Variants in ABCA4 observed in about 807,000 individuals in gnomAD.
The protein encoded by ABCA4 is retinal-specific phospholipid-transporting ATPase ABCA4.
In ABCA4, 196 loss-of-function variants were observed where a neutral mutation model predicts 263.7. The ratio of observed to expected loss-of-function variants is 0.74; its 90% CI spans 0.66 to 0.84. The LOEUF (loss-of-function observed/expected upper bound fraction) is 0.84. Among genes scored for constraint, ABCA4 ranks in the 40% least tolerant of loss-of-function variants. ABCA4 has a pLI of 0.00. For missense variants in ABCA4, 2,792 were observed against 2,855.1 expected (o/e 0.98, Z 0.50); for synonymous variants, 1,133 against 1,094.2 (o/e 1.04, Z -0.70).
chr1:94,000,856 G>T lies in ABCA4; in HGVS notation c.6459C>A (p.Thr2153=), dbSNP rs1372951577. Residue 2153 remains threonine, a synonymous_variant, in exon 47 of 50, where the codon ACC becomes ACA. Transcript: ENST00000370225. ...CTTACTTGGACTTGAGATGCTGAAT[G>T]GTGCCCATACATCGAAAGGCGCCCT... ...MVKGAFRCMG[T]IQHLKSKFGD... 1 of 1,614,192 alleles carries T rather than the reference G, an allele frequency of 6.2e-7. No individual in the cohort carries two copies.
chr1:94,088,726 G>A (rs1661898222), intron 6 of ABCA4, among the ~76,000 whole-genome samples: 1 of 152,116 alleles, frequency 6.6e-6, no homozygotes, highest in Admixed American at 6.5e-5. Flanking sequence ...GGTAACCAAG[G>A]GACATCTGAA....
intron 1 of ABCA4, among the ~76,000 whole-genome samples, chr1:94,114,399 C>T (rs1389521254): frequency 6.6e-6 from 1 of 152,102 alleles, no homozygotes; most frequent in Non-Finnish European, 1.5e-5. Flanking sequence ...AGATGTTTTA[C>T]TCAAAATATA....
At chr1:94,027,367 G>A (rs1463007230) in intron 30 of ABCA4, among the ~76,000 whole-genome samples, 3 of 152,176 alleles carry the variant, frequency 2.0e-5, no homozygotes, top group Non-Finnish European at 4.4e-5. Context: ...CCTCGCCCTG[G>A]CCAAGAGCTC....
chr1:94,019,811 AAGG>A (rs1291284362), intron 35 of ABCA4, 52 bp from the exon 36 acceptor site: 41 of 1,567,918 alleles, frequency 2.6e-5, no homozygotes, highest in Non-Finnish European at 3.5e-5. Flanking sequence ...GGAAGAGCAG[AAGG>A]AGGAGAAGAT....
At chr1:94,107,386 C>T (rs1192220659) in intron 4 of ABCA4, among the ~76,000 whole-genome samples, 1 of 152,214 alleles carries the variant, frequency 6.6e-6, no homozygotes, top group Non-Finnish European at 1.5e-5. Flanking sequence ...CTCACGACCA[C>T]TCTTTTCCTC....
chr1:94,100,497 A>G (rs1662256915), intron 5 of ABCA4, among the ~76,000 whole-genome samples: 1 of 152,200 alleles, frequency 6.6e-6, no homozygotes, highest in Non-Finnish European at 1.5e-5. Context: ...GAGCTTAACC[A>G]TCACCTGTTA....
intron 6 of ABCA4, among the ~76,000 whole-genome samples, chr1:94,093,817 C>T (rs574538403): frequency 1.4e-4 from 21 of 152,242 alleles, no homozygotes; most frequent in Admixed American, 4.6e-4. Context: ...ATCCATTCAC[C>T]CAGAGGATAT....
chr1:94,057,083 TACATC>T (rs1661004560), intron 14 of ABCA4, among the ~76,000 whole-genome samples: 1 of 152,178 alleles, frequency 6.6e-6, no homozygotes, highest in South Asian at 2.1e-4. Context: ...TCTGTGTTCC[TACATC>T]AGCAAACCAA....
rs1658918693 is a variant in ABCA4, at chr1:93,993,244, T to C, written c.6817-2A>G. Reference sequence around the variant, plus strand: ...AACGAGCGGTGTGAAAGATCAGTCCTGTGGAAGGAGATCACATGGACTCGC... The same window carrying C: ...AACGAGCGGTGTGAAAGATCAGTCCCGTGGAAGGAGATCACATGGACTCGC... On this transcript the variant is annotated splice_acceptor_variant, in intron 49 of 49. Coordinates refer to ENST00000370225, the MANE Select transcript of ABCA4 (RefSeq NM_000350.3). LOFTEE classifies it high-confidence loss of function. 3.1e-6 allele frequency: 5 copies of C among 1,613,906 alleles called. No homozygotes were observed. Among genetic ancestry groups the C allele is most frequent in the Non-Finnish European group, 4.2e-6 (5 of 1,179,830 alleles).
chr1:94,078,430 T>G (rs1661594636), intron 10 of ABCA4, among the ~76,000 whole-genome samples, 160 bp downstream of exon 10: 1 of 152,222 alleles, frequency 6.6e-6, no homozygotes, highest in Admixed American at 6.5e-5. Flanking sequence ...TGACCCCACT[T>G]GGTGACTGCT....
chr1:94,041,432 G>A (rs1292160996), intron 22 of ABCA4, 30 bp from the exon 23 acceptor site: 1 of 1,611,564 alleles, frequency 6.2e-7, no homozygotes, highest in South Asian at 1.1e-5. Flanking sequence ...GCAATCACCA[G>A]GCCTGCCCTG....
chr1:93,997,531 A>G (rs1053368252), intron 48 of ABCA4, among the ~76,000 whole-genome samples: 1 of 151,958 alleles, frequency 6.6e-6, no homozygotes, highest in Non-Finnish European at 1.5e-5. Context: ...TGGCCTCCCA[A>G]AGAACCTGTG....
chr1:93,998,262 G>A, intron 47 of ABCA4, 152 bp from the exon 48 acceptor site: 1 of 1,040,746 alleles, frequency 9.6e-7, no homozygotes, highest in African/African-American at 1.6e-5. Context: ...AGGTAGAGGT[G>A]GGAGGATCAC....
intron 44 of ABCA4, among the ~76,000 whole-genome samples, chr1:94,004,490 C>G (rs992527500): frequency 2.0e-5 from 3 of 152,204 alleles, no homozygotes; most frequent in African/African-American, 7.2e-5. Context: ...TCTTCTCCCC[C>G]GCTCCACCCT....
chr1:94,103,224 C>T, intron 4 of ABCA4, 82 bp from the exon 5 acceptor site: 1 of 1,528,320 alleles, frequency 6.5e-7, no homozygotes, highest in Non-Finnish European at 9.0e-7. Flanking sequence ...CGATTGGAAA[C>T]ACTTGTAACT....
Position 94,021,344 on chromosome 1 carries a change from G to A in ABCA4, c.4914C>T (p.Ile1638=). 1 of 1,614,232 alleles carries A rather than the reference G, an allele frequency of 6.2e-7. No homozygotes were observed. Among genetic ancestry groups the A allele is most frequent in the Non-Finnish European group, 8.5e-7 (1 of 1,180,040 alleles). ...TGTCCTTAGGCAGGCTGGCCCGTAAGATGGCGTTGTGGGCCACATTGAGAA... is the reference window on the plus strand; with the variant it reads ...TGTCCTTAGGCAGGCTGGCCCGTAAAATGGCGTTGTGGGCCACATTGAGAA... ...VSFLNVAHNA[I]LRASLPKDRS... is the part of the protein sequence containing the mutation. The change falls in exon 35 of 50, where the codon ATC becomes ATT. Residue 1638 remains isoleucine, a synonymous_variant. Coordinates refer to ENST00000370225, the MANE Select transcript of ABCA4 (RefSeq NM_000350.3).
At chr1:94,016,410 T>G (rs1184329643) in intron 36 of ABCA4, among the ~76,000 whole-genome samples, 1 of 151,922 alleles carries the variant, frequency 6.6e-6, no homozygotes, top group African/African-American at 2.4e-5. Flanking sequence ...GAGAAAGATA[T>G]CCTTACAGGA....
intron 6 of ABCA4, 118 bp from the exon 7 acceptor site, chr1:94,083,559 GC>G: frequency 1.4e-6 from 1 of 728,602 alleles, no homozygotes; most frequent in Non-Finnish European, 2.3e-6. Context: ...CTTTCTGATC[GC>G]AGGATCTTTT....
Position 94,121,018 on chromosome 1 carries a change from A to C in ABCA4, c.28T>G (p.Leu10Val). The change falls in exon 1 of 50, where the codon TTG becomes GTG. Residue 10 changes from leucine (L) to valine (V), a missense_variant. Coordinates refer to ENST00000370225, the MANE Select transcript of ABCA4 (RefSeq NM_000350.3). ...CGCAGGGTCCAGTTCTTCCAGAGCA[A>C]AAGCTGTATCTGTCTCACGAAGCCC... is the stretch of plus-strand genomic sequence containing the variant. The part of the protein sequence containing the change: MGFVRQIQL[L>V]LWKNWTLRKR... 1 of 1,614,086 alleles carries C rather than the reference A, an allele frequency of 6.2e-7. No homozygotes were observed. Among genetic ancestry groups the C allele is most frequent in the Non-Finnish European group, 8.5e-7 (1 of 1,180,022 alleles).
Sources: allele counts gnomAD v4.1 joint callset (sites outside exome capture counted in the v4.1 genomes callset), GRCh38; gene constraint gnomAD v4.1.1; transcripts MANE v1.5; gene names NCBI Gene and HGNC (gene_info 2026-07-23, HGNC 2026-07-21).